The following TNFSF4 variants were observed in gnomAD, a reference collection of about 807,000 sequenced individuals.
TNFSF4 encodes the protein TNF superfamily member 4.
Under a neutral mutation model 7.3 loss-of-function variants are expected in TNFSF4, and 4 were observed. The ratio of observed to expected loss-of-function variants is 0.55; its 90% CI spans 0.27 to 1.25. The LOEUF (loss-of-function observed/expected upper bound fraction) is 1.25, where lower values mean the gene tolerates loss of function less well. TNFSF4 is among the 50% of genes most tolerant of loss of function. The pLI is 0.12. For missense variants in TNFSF4, 181 were observed against 208.8 expected, an observed-to-expected ratio of 0.87 and a Z score of 0.82; for synonymous variants, 76 against 83.7, an observed-to-expected ratio of 0.91 and a Z score of 0.50.
the TNFSF4 span, among the ~76,000 whole-genome samples, chr1:173,340,746 G>A: frequency 6.6e-6 from 1 of 151,464 alleles, no homozygotes; most frequent in East Asian, 2.0e-4. Flanking sequence ...GGGAATGAGG[G>A]GGAAGAGATA....
the TNFSF4 span, among the ~76,000 whole-genome samples, chr1:173,260,248 G>GT: frequency 6.6e-6 from 1 of 152,128 alleles, no homozygotes; most frequent in Non-Finnish European, 1.5e-5. Context: ...ATGAAGCTTT[G>GT]TAAGTGAAGG....
At chr1:173,225,884 C>T in the TNFSF4 span, among the ~76,000 whole-genome samples, 1 of 152,158 alleles carries the variant, frequency 6.6e-6, no homozygotes, top group Admixed American at 6.5e-5. Context: ...ATACCAACTA[C>T]AGATATGAAG....
chr1:173,320,284 C>G, the TNFSF4 span, among the ~76,000 whole-genome samples: 10 of 152,252 alleles, frequency 6.6e-5, no homozygotes, highest in African/African-American at 9.6e-5. Flanking sequence ...ATTCAACATC[C>G]CTTCATGCTA....
chr1:173,332,059 G>T, the TNFSF4 span, among the ~76,000 whole-genome samples: 1 of 152,120 alleles, frequency 6.6e-6, no homozygotes, highest in African/African-American at 2.4e-5. Context: ...CAGCCCAAAT[G>T]CCAATAGTGA....
chr1:173,314,139 T>C, the TNFSF4 span, among the ~76,000 whole-genome samples: 1 of 152,140 alleles, frequency 6.6e-6, no homozygotes. Flanking sequence ...TCAAAATCTA[T>C]ATGATTTCCA....
the TNFSF4 span, among the ~76,000 whole-genome samples, chr1:173,409,888 A>G: frequency 1.3e-5 from 2 of 152,156 alleles, no homozygotes; most frequent in Admixed American, 1.3e-4. Flanking sequence ...TAAGTCCTTT[A>G]TGTACATGTA....
the TNFSF4 span, among the ~76,000 whole-genome samples, chr1:173,256,606 G>C: frequency 6.6e-6 from 1 of 152,190 alleles, no homozygotes; most frequent in Non-Finnish European, 1.5e-5. Context: ...GTCAAACTGA[G>C]AAACTTTCAC....
At chr1:173,348,743 A>C in the TNFSF4 span, among the ~76,000 whole-genome samples, 3 of 152,214 alleles carry the variant, frequency 2.0e-5, no homozygotes, top group Non-Finnish European at 2.9e-5. Flanking sequence ...TGCAAATATT[A>C]ACATCATAAG....
At chr1:173,248,684 G>A in the TNFSF4 span, among the ~76,000 whole-genome samples, 7 of 152,098 alleles carry the variant, frequency 4.6e-5, no homozygotes, top group African/African-American at 1.4e-4. Context: ...AGAGGCAGGC[G>A]GGAGCCAGAC....
At chr1:173,175,079 T>C in the TNFSF4 span, 5 of 152,258 alleles carry the variant, frequency 3.3e-5, no homozygotes, top group Non-Finnish European at 4.4e-5. Flanking sequence ...AATTAAAAAT[T>C]ATTAAATACC....
At chr1:173,320,265 A>T in the TNFSF4 span, among the ~76,000 whole-genome samples, 6 of 152,160 alleles carry the variant, frequency 3.9e-5, no homozygotes, top group African/African-American at 1.4e-4. Context: ...AGAAAAGGCC[A>T]TTGACAAAAT....
the TNFSF4 span, among the ~76,000 whole-genome samples, chr1:173,428,830 C>A: frequency 1.3e-5 from 2 of 152,072 alleles, no homozygotes; most frequent in Non-Finnish European, 2.9e-5. Flanking sequence ...CATGGTGAAA[C>A]CCCGTATCTA....
the TNFSF4 span, among the ~76,000 whole-genome samples, chr1:173,428,608 A>C: frequency 5.3e-5 from 8 of 152,262 alleles, no homozygotes; most frequent in Non-Finnish European, 2.9e-5. Context: ...AGTTTATGAT[A>C]TTAATGAATT....
chr1:173,297,189 G>A, the TNFSF4 span, among the ~76,000 whole-genome samples: 1 of 151,896 alleles, frequency 6.6e-6, no homozygotes, highest in South Asian at 2.1e-4. Flanking sequence ...CTATCCTTAG[G>A]GAGACAGGGC....
the TNFSF4 span, among the ~76,000 whole-genome samples, chr1:173,226,222 A>T: frequency 6.6e-6 from 1 of 152,092 alleles, no homozygotes; most frequent in Non-Finnish European, 1.5e-5. Flanking sequence ...TTCTCCCCTT[A>T]TTCTTAGGCC....
the TNFSF4 span, among the ~76,000 whole-genome samples, chr1:173,408,006 T>A: frequency 6.6e-6 from 1 of 152,084 alleles, no homozygotes; most frequent in Non-Finnish European, 1.5e-5. Context: ...AAGTTGGCAA[T>A]CTGCATCTCA....
the TNFSF4 span, among the ~76,000 whole-genome samples, chr1:173,433,576 C>T: frequency 6.6e-6 from 1 of 151,866 alleles, no homozygotes; most frequent in Non-Finnish European, 1.5e-5. Flanking sequence ...GTGGCATGCA[C>T]CTGTAGACCC....
In TNFSF4 at chr1:173,207,230, T is replaced by C. The variant is rs1435284438; in HGVS notation, c.-54A>G. On this transcript the variant is annotated 5_prime_UTR_variant, in exon 1 of 3. Coordinates refer to ENST00000281834, the MANE Select transcript of TNFSF4 (RefSeq NM_003326.5). ...AGATATGGAAAAGGGGAACGTGCGA[T>C]AAAACTGAAGTTTTCCCCAGAAAGA... 6.5e-7 allele frequency: 1 copy of C among 1,544,904 alleles called. No individual in the cohort carries two copies. Among genetic ancestry groups the C allele is most frequent in the Non-Finnish European group, 8.8e-7 (1 of 1,130,870 alleles).
At chr1:173,180,944 C>T (rs992009787), downstream of TNFSF4, among the ~76,000 whole-genome samples, 6 of 152,140 alleles carry the variant, frequency 3.9e-5, no homozygotes, top group Non-Finnish European at 5.9e-5. Flanking sequence ...AGCACAATGC[C>T]TGGCATAGCA....
Sources: allele counts gnomAD v4.1 joint callset (sites outside exome capture counted in the v4.1 genomes callset), GRCh38; gene constraint gnomAD v4.1.1; transcripts MANE v1.5; gene names NCBI Gene and HGNC (gene_info 2026-07-23, HGNC 2026-07-21).